PDE4D: variants seen among roughly 807,000 people sequenced by gnomAD.
PDE4D encodes the protein phosphodiesterase 4D, also known as 3',5'-cyclic-AMP phosphodiesterase 4D.
Under a neutral mutation model 87.4 loss-of-function variants are expected in PDE4D, and 24 were observed. The observed-to-expected ratio is 0.27, with a 90% confidence interval of 0.20 to 0.39. The LOEUF is 0.39. Among genes scored for constraint, PDE4D ranks in the 10% least tolerant of loss-of-function variants. The pLI, the probability that PDE4D is intolerant of heterozygous loss-of-function variation, is 1.00. For missense variants in PDE4D, 714 were observed against 1,041.0 expected, an observed-to-expected ratio of 0.69 and a Z score of 4.32; for synonymous variants, 384 against 383.2, an observed-to-expected ratio of 1.00 and a Z score of -0.02.
At chr5:59,735,643 C>T (rs1166944954) in intron 1 of PDE4D, among the ~76,000 whole-genome samples, 1 of 152,056 alleles carries the variant, frequency 6.6e-6, no homozygotes, top group African/African-American at 2.4e-5. Flanking sequence ...AGCAAGCATG[C>T]TAAGCAAAAT....
chr5:60,122,436 C>T (rs1288424038), intron 2 of PDE4D, among the ~76,000 whole-genome samples: 3 of 152,226 alleles, frequency 2.0e-5, no homozygotes, highest in East Asian at 1.9e-4. Context: ...CGGAGGTTCC[C>T]GAACTTCAAT....
chr5:59,857,846 G>T lies in PDE4D; in HGVS notation c.455+35322C>A, dbSNP rs144007681. On this transcript the variant is annotated intron_variant, in intron 1 of 14. Coordinates refer to ENST00000340635, the MANE Select transcript of PDE4D (RefSeq NM_001104631.2). ...AATATAAGGGAGAGAGGGAGAAATGGAGGAAAGGAGGGAGAGCAGAAGGAA... is the reference window on the plus strand; with the variant it reads ...AATATAAGGGAGAGAGGGAGAAATGTAGGAAAGGAGGGAGAGCAGAAGGAA... Among the ~76,000 whole-genome samples the T allele has an allele frequency of 9.8e-4, 143 of 146,122 alleles. 1 individual carries two copies. Among genetic ancestry groups the T allele is most frequent in the Non-Finnish European group, 1.6e-3 (110 of 66,874 alleles).
intron 1 of PDE4D, among the ~76,000 whole-genome samples, chr5:59,843,769 A>G (rs910314606): frequency 1.3e-5 from 2 of 152,076 alleles, no homozygotes; most frequent in Non-Finnish European, 2.9e-5. Context: ...GTGCTTGGGA[A>G]GGAGAGCTGA....
intron 1 of PDE4D, among the ~76,000 whole-genome samples, chr5:59,421,291 C>T (rs1031670758): frequency 2.2e-4 from 34 of 152,180 alleles, no homozygotes; most frequent in African/African-American, 6.5e-4. Flanking sequence ...AAACACAGTA[C>T]GTTTTAGTGT....
intron 1 of PDE4D, among the ~76,000 whole-genome samples, chr5:60,454,100 G>A (rs60131839): frequency 0.046 from 6,940 of 152,178 alleles, 401 homozygotes; most frequent in African/African-American, 0.14. Flanking sequence ...AAATGAGGAC[G>A]ACCCTGCCAG....
chr5:60,209,717 AG>A (rs1210650572), intron 1 of PDE4D, among the ~76,000 whole-genome samples: 1 of 151,662 alleles, frequency 6.6e-6, no homozygotes, highest in East Asian at 1.9e-4. Flanking sequence ...GTGGGAGGAG[AG>A]GAAAAGAGGG....
At chr5:59,478,342 C>T (rs1267905542) in intron 1 of PDE4D, among the ~76,000 whole-genome samples, 3 of 151,912 alleles carry the variant, frequency 2.0e-5, no homozygotes, top group Non-Finnish European at 2.9e-5. Context: ...TGTATGAGCA[C>T]GGATTTGAGG....
At chr5:59,822,287 T>C (rs1253196137) in intron 1 of PDE4D, among the ~76,000 whole-genome samples, 2 of 152,216 alleles carry the variant, frequency 1.3e-5, no homozygotes, top group African/African-American at 4.8e-5. Context: ...ATTCTCTTCA[T>C]TGAAACAAAC....
chr5:60,192,709 G>T (rs962904633), intron 1 of PDE4D, among the ~76,000 whole-genome samples: 2 of 152,118 alleles, frequency 1.3e-5, no homozygotes, highest in Admixed American at 6.5e-5. Context: ...ACAGAGAAAA[G>T]ACTGAAAAAG....
intron 1 of PDE4D, among the ~76,000 whole-genome samples, chr5:59,492,123 T>C (rs1360940220): frequency 1.3e-5 from 2 of 152,188 alleles, no homozygotes; most frequent in Non-Finnish European, 2.9e-5. Flanking sequence ...GTCTGTTTTC[T>C]AGAGAATCTG....
chr5:59,867,302 C>A (rs1458113486), intron 1 of PDE4D, among the ~76,000 whole-genome samples: 1 of 151,366 alleles, frequency 6.6e-6, no homozygotes, highest in Non-Finnish European at 1.5e-5. Flanking sequence ...AACTAATGAG[C>A]TTCAATGAAA....
intron 1 of PDE4D, among the ~76,000 whole-genome samples, chr5:59,707,190 A>G (rs1753544901): frequency 6.6e-6 from 1 of 152,218 alleles, no homozygotes; most frequent in Non-Finnish European, 1.5e-5. Context: ...TTCAATATAA[A>G]TATCTTCAAG....
chr5:59,294,179 T>G (rs1434687222), intron 1 of PDE4D, among the ~76,000 whole-genome samples: 1 of 152,148 alleles, frequency 6.6e-6, no homozygotes, highest in Non-Finnish European at 1.5e-5. Context: ...ACTTAGAAAC[T>G]GTTTTGTGTG....
intron 1 of PDE4D, among the ~76,000 whole-genome samples, chr5:59,304,678 G>A (rs2153562048): frequency 6.6e-6 from 1 of 152,156 alleles, no homozygotes; most frequent in African/African-American, 2.4e-5. Context: ...TTTTAATTCT[G>A]TTTATGTGGT....
intron 1 of PDE4D, among the ~76,000 whole-genome samples, chr5:59,530,800 A>G (rs1162423798): frequency 6.6e-6 from 1 of 152,108 alleles, no homozygotes; most frequent in Non-Finnish European, 1.5e-5. Context: ...TACAATGACT[A>G]TTTTTCTCCA....
intron 1 of PDE4D, among the ~76,000 whole-genome samples, chr5:59,497,133 T>C (rs1484755543): frequency 6.6e-6 from 1 of 152,002 alleles, no homozygotes; most frequent in East Asian, 1.9e-4. Context: ...CATACACATT[T>C]TACACCACAG....
At chr5:60,371,492 C>T (rs1761027353) in intron 1 of PDE4D, among the ~76,000 whole-genome samples, 1 of 152,206 alleles carries the variant, frequency 6.6e-6, no homozygotes, top group Admixed American at 6.5e-5. Context: ...CTGTCACAAT[C>T]CTAGACTCCA....
rs992866805 is a variant in PDE4D, at chr5:59,008,098, A to G, written c.922-14633T>C. 7.2e-5 allele frequency among the ~76,000 whole-genome samples: 11 copies of G among 152,226 alleles called. 1 individual carries two copies. The East Asian group carries it at 1.9e-3, about 27-fold the overall frequency. On this transcript the variant is annotated intron_variant, in intron 6 of 14. Coordinates refer to ENST00000340635, the MANE Select transcript of PDE4D (RefSeq NM_001104631.2). ...TTTAGTCAATTTACCTAAAACCAGCAGCAGCAGCATATCTACTACAGACTT... is the reference window on the plus strand; with the variant it reads ...TTTAGTCAATTTACCTAAAACCAGCGGCAGCAGCATATCTACTACAGACTT...
At chr5:59,739,417 G>A (rs1431361361) in intron 1 of PDE4D, among the ~76,000 whole-genome samples, 1 of 151,962 alleles carries the variant, frequency 6.6e-6, no homozygotes, top group Non-Finnish European at 1.5e-5. Context: ...GAGACTCTGT[G>A]TCAAAACAAC....
Sources: allele counts gnomAD v4.1 joint callset (sites outside exome capture counted in the v4.1 genomes callset), GRCh38; gene constraint gnomAD v4.1.1; transcripts MANE v1.5; gene names NCBI Gene and HGNC (gene_info 2026-07-23, HGNC 2026-07-21).